The following SETD5 variants were observed in gnomAD, a reference collection of about 807,000 sequenced individuals.
The protein encoded by SETD5 is histone-lysine N-methyltransferase SETD5.
SETD5 carries 44 observed loss-of-function variants against 153.3 expected under a neutral mutation model. The ratio of observed to expected loss-of-function variants is 0.29; its 90% CI spans 0.23 to 0.37. The LOEUF (loss-of-function observed/expected upper bound fraction) is 0.37, where lower values mean the gene tolerates loss of function less well. Ranked by LOEUF, SETD5 falls within the 10% of genes least tolerant of loss-of-function variation. The probability of loss-of-function intolerance (pLI) is 1.00; values close to 1 mark genes in which losing one functional copy is unlikely to be tolerated. For missense variants in SETD5, 1,544 were observed against 1,768.0 expected, an observed-to-expected ratio of 0.87 and a Z score of 2.27; for synonymous variants, 716 against 645.2, an observed-to-expected ratio of 1.11 and a Z score of -1.66.
chr3:9,469,482 C>G (rs1428034695), intron 18 of SETD5, among the ~76,000 whole-genome samples: 1 of 152,154 alleles, frequency 6.6e-6, no homozygotes, highest in Non-Finnish European at 1.5e-5. Flanking sequence ...CTACTAAGTT[C>G]TGAATCAGTA....
intron 1 of SETD5, among the ~76,000 whole-genome samples, chr3:9,404,017 G>A (rs1252731309): frequency 1.3e-5 from 2 of 152,094 alleles, no homozygotes; most frequent in East Asian, 1.9e-4. Flanking sequence ...ATATGACAAG[G>A]TTTTTCAAAA....
At chr3:9,423,818 T>C (rs2038768894) in intron 1 of SETD5, among the ~76,000 whole-genome samples, 1 of 152,200 alleles carries the variant, frequency 6.6e-6, no homozygotes, top group Non-Finnish European at 1.5e-5. Context: ...AATTTGACTT[T>C]TAGGAAAAAA....
At position 9,473,491 on chromosome 3, in the gene SETD5, A is replaced by C; in HGVS notation, c.3451A>C (p.Thr1151Pro). 6.2e-7 allele frequency: 1 copy of C among 1,613,706 alleles called. No homozygotes were observed. The highest frequency in any genetic ancestry group is 8.5e-7 in the Non-Finnish European group (1 of 1,179,800). Residue 1151 changes from threonine (T) to proline (P), a missense_variant, in exon 20 of 23, where the codon ACT (threonine) becomes CCT (proline). Thr to Pro is a conservative substitution (Grantham distance 38). Around this residue, in one of 9 missense-constraint regions of SETD5, gnomAD observed 93 missense variants for 93.4 expected, o/e 1.00. Transcript: ENST00000402198. ...GGTAAGCCCATCAGATTCCAGAGGC[A>C]CTTCTTCATCTCACTGCAGACCTCA... ...EAVSPSDSRG[T>P]SSSHCRPQEN...
At chr3:9,410,804 C>CTTTTT (rs5846632) in intron 1 of SETD5, among the ~76,000 whole-genome samples, 3 of 151,714 alleles carry the variant, frequency 2.0e-5, no homozygotes, top group Non-Finnish European at 4.4e-5. Context: ...TCTGTTCTTT[C>CTTTTT]TTTTTTGGAA....
rs2125289069 is a variant in SETD5 at position 9,448,483 on chromosome 3, A to C, written c.2199A>C (p.Ala733=). The C allele has an allele frequency of 6.2e-7, 1 of 1,614,016 alleles. No homozygotes were observed. The highest frequency in any genetic ancestry group is 2.2e-5 in the East Asian group (1 of 44,886). Residue 733 remains alanine (A), a synonymous_variant, in exon 16 of 23, where the codon GCA becomes GCC. Transcript: ENST00000402198. Reference sequence around the variant, plus strand: ...TCACAACGGATCCAACTGTACTGGCAACGACCCTAAACATGTTACCAGGTC... The same window carrying C: ...TCACAACGGATCCAACTGTACTGGCCACGACCCTAAACATGTTACCAGGTC... ...LRITTDPTVL[A]TTLNMLPGLI...
chr3:9,420,937 T>G (rs1028290602), intron 1 of SETD5, among the ~76,000 whole-genome samples: 2 of 152,178 alleles, frequency 1.3e-5, no homozygotes, highest in African/African-American at 4.8e-5. Flanking sequence ...TTTAGCCATA[T>G]TCAGGTTATT....
At chr3:9,426,940 G>A (rs576317698) in intron 2 of SETD5, among the ~76,000 whole-genome samples, 1 of 152,280 alleles carries the variant, frequency 6.6e-6, no homozygotes, top group East Asian at 1.9e-4. Flanking sequence ...CTGGAGTGCA[G>A]TGCATGATTA....
chr3:9,444,240 T>G (rs2041662768), intron 11 of SETD5, among the ~76,000 whole-genome samples: 1 of 152,232 alleles, frequency 6.6e-6, no homozygotes, highest in Non-Finnish European at 1.5e-5. Context: ...GTGGGATTTT[T>G]TAAAGTATAT....
intron 17 of SETD5, among the ~76,000 whole-genome samples, chr3:9,456,371 G>A (rs775629581): frequency 3.3e-5 from 5 of 151,978 alleles, no homozygotes; most frequent in Non-Finnish European, 7.4e-5. Flanking sequence ...CTATTTGGGA[G>A]GCTGAGGCAG....
chr3:9,427,622 GT>G (rs2039455584), intron 2 of SETD5, among the ~76,000 whole-genome samples: 1 of 152,064 alleles, frequency 6.6e-6, no homozygotes, highest in Admixed American at 6.6e-5. Context: ...CATTCCTTTA[GT>G]TTTTTTAGTA....
At chr3:9,454,622 C>CAAAAAAAAAAAAAAAAA (rs67028533) in intron 17 of SETD5, among the ~76,000 whole-genome samples, 7 of 58,034 alleles carry the variant, frequency 1.2e-4, no homozygotes, top group Middle Eastern at 0.014. Flanking sequence ...AACTCCGTCT[C>CAAAAAAAAAAAAAAAAA]AAAAAAAAAA....
intron 1 of SETD5, among the ~76,000 whole-genome samples, chr3:9,408,645 C>G (rs1341771055): frequency 1.3e-5 from 2 of 152,134 alleles, no homozygotes; most frequent in East Asian, 3.9e-4. Context: ...ATGTAAATTA[C>G]TGCTTAGATA....
chr3:9,418,820 G>A (rs949739317), intron 1 of SETD5, among the ~76,000 whole-genome samples: 1 of 150,250 alleles, frequency 6.7e-6, no homozygotes, highest in South Asian at 2.1e-4. Flanking sequence ...AAAAAAATGT[G>A]AATCACATAC....
chr3:9,474,575 A>G lies in SETD5; in HGVS notation c.3624A>G (p.Lys1208=), dbSNP rs2045657106. Residue 1208 remains lysine (K), a synonymous_variant, in exon 21 of 23, where the codon AAA becomes AAG. Coordinates refer to ENST00000402198, the MANE Select transcript of SETD5 (RefSeq NM_001080517.3). Reference sequence around the variant, plus strand: ...CATGGGAGAGTAACATCACAGAGAAAGACTCAGGTGAGCCCATGGCCTTCT... The same window carrying G: ...CATGGGAGAGTAACATCACAGAGAAGGACTCAGGTGAGCCCATGGCCTTCT... ...SPTWESNITE[K]DSDPADGEGP... The G allele has an allele frequency of 3.7e-6, 6 of 1,613,762 alleles. No individual in the cohort carries two copies. Among genetic ancestry groups the G allele is most frequent in the Non-Finnish European group, 3.4e-6 (4 of 1,179,834 alleles).
intron 16 of SETD5, among the ~76,000 whole-genome samples, chr3:9,451,784 A>C (rs749480528): frequency 6.6e-5 from 10 of 152,120 alleles, no homozygotes; most frequent in Non-Finnish European, 1.3e-4. Context: ...TGGACTCCAA[A>C]ACCTGTATTG....
intron 7 of SETD5, among the ~76,000 whole-genome samples, chr3:9,438,720 G>T (rs1238992487): frequency 6.6e-6 from 1 of 152,098 alleles, no homozygotes; most frequent in African/African-American, 2.4e-5. Flanking sequence ...GTAAATCAGG[G>T]TTTCTCAGTC....
At chr3:9,403,647 A>G (rs945637267) in intron 1 of SETD5, among the ~76,000 whole-genome samples, 1 of 151,688 alleles carries the variant, frequency 6.6e-6, no homozygotes, top group Non-Finnish European at 1.5e-5. Context: ...CCTGGAGATT[A>G]CTCCCTCCCC....
chr3:9,475,982 C>G lies in SETD5; in HGVS notation c.4220C>G (p.Ala1407Gly). The change falls in exon 23 of 23, where the codon GCG (alanine) becomes GGG (glycine). Residue 1407 changes from alanine to glycine, a missense_variant. This residue lies in a region of SETD5 where 302 missense variants were observed against 277.6 expected (regional missense o/e 1.09). Transcript: ENST00000402198. ...SAVYQASRVS[A>G]VSNSQHYPHR... is the part of the protein sequence containing the mutation. ...GTCTACCAGGCCTCCAGGGTATCTG[C>G]GGTTTCCAATTCACAGCACTACCCA... 1.2e-6 allele frequency: 2 copies of G among 1,614,000 alleles called. No homozygotes were observed. Among genetic ancestry groups the G allele is most frequent in the Non-Finnish European group, 1.7e-6 (2 of 1,179,900 alleles).
chr3:9,447,572 C>T (rs2042162441), intron 14 of SETD5, 114 bp from the exon 15 acceptor site: 1 of 1,239,578 alleles, frequency 8.1e-7, no homozygotes, highest in South Asian at 1.5e-5. Flanking sequence ...ATTAGTGTTT[C>T]TAATCCTTAT....
Sources: allele counts gnomAD v4.1 joint callset (sites outside exome capture counted in the v4.1 genomes callset), GRCh38; gene constraint gnomAD v4.1.1; regional missense constraint gnomAD v4.1.1; transcripts MANE v1.5; gene names NCBI Gene and HGNC (gene_info 2026-07-23, HGNC 2026-07-21).